The following ANKRD36B variants were observed in gnomAD, a reference collection of about 807,000 sequenced individuals.
ANKRD36B encodes ankyrin repeat domain 36B, also known as ankyrin repeat domain-containing protein 36B.
ANKRD36B carries 37 observed loss-of-function variants against 135.7 expected under a neutral mutation model. That is an observed-to-expected ratio of 0.27 (90% CI 0.21 to 0.36). The LOEUF (loss-of-function observed/expected upper bound fraction) is 0.36, where lower values mean the gene tolerates loss of function less well. ANKRD36B is among the 10% of genes least tolerant of loss of function. The pLI, the probability that ANKRD36B is intolerant of heterozygous loss-of-function variation, is 1.00. For missense variants in ANKRD36B, 549 were observed against 1,037.1 expected, an observed-to-expected ratio of 0.53 and a Z score of 6.46; for synonymous variants, 179 against 348.1, an observed-to-expected ratio of 0.51 and a Z score of 5.41.
rs932051487 is a variant in ANKRD36B, at chr2:97,580,637, G to T, written c.451-69C>A. On this transcript the variant is annotated intron_variant, in intron 3 of 43. Transcript: ENST00000359901. ...TTATCAACTGAAATGAAAACCTTATGTAAGATCCTGTGAGCTTCAATATAT... is the reference window on the plus strand; with the variant it reads ...TTATCAACTGAAATGAAAACCTTATTTAAGATCCTGTGAGCTTCAATATAT... 50 of 1,395,656 alleles carry T rather than the reference G, an allele frequency of 3.6e-5. No homozygotes were observed. In the African/African-American group the frequency reaches 7.2e-4, roughly 20 times the overall value. The allele number at this position is 1,395,656 out of a possible 1,614,324, so 86.5% of individuals were successfully genotyped here.
intron 6 of ANKRD36B, among the ~76,000 whole-genome samples, chr2:97,568,534 A>C (rs1255566248): frequency 3.3e-5 from 5 of 152,150 alleles, no homozygotes; most frequent in African/African-American, 1.2e-4. Context: ...ACCCTATGTA[A>C]GGTACAAACA....
chr2:97,558,657 G>T (rs2080745211), intron 10 of ANKRD36B, 142 bp downstream of exon 10: 6 of 930,548 alleles, frequency 6.4e-6, no homozygotes, highest in Non-Finnish European at 1.0e-5. Context: ...AGCAGCATCA[G>T]TGTCACCTGA....
At position 97,535,389 on chromosome 2, in the gene ANKRD36B, A is replaced by C. The variant is rs200208559; in HGVS notation, c.2191+911T>G. Among the ~76,000 whole-genome samples the C allele has an allele frequency of 8.0e-3, 831 of 104,484 alleles. 64 individuals carry two copies. The East Asian group carries it at 0.11, about 14-fold the overall frequency. The allele number at this position is 104,484 out of a possible 152,430, so 68.5% of individuals were successfully genotyped here. Reference sequence around the variant, plus strand: ...TGGATAACCCATTAACCATGATGTCATTATTACACATTGTATGCCTGTATC... The same window carrying C: ...TGGATAACCCATTAACCATGATGTCCTTATTACACATTGTATGCCTGTATC... On this transcript the variant is annotated intron_variant, in intron 34 of 43. Transcript: ENST00000359901.
At chr2:97,586,633 A>G (rs1011952017) in intron 1 of ANKRD36B, among the ~76,000 whole-genome samples, 35 of 152,306 alleles carry the variant, frequency 2.3e-4, no homozygotes, top group African/African-American at 7.7e-4. Flanking sequence ...TGTGAAAAAA[A>G]CTATAAATTA....
chr2:97,581,119 T>C (rs1035363800), intron 3 of ANKRD36B, among the ~76,000 whole-genome samples: 1 of 139,250 alleles, frequency 7.2e-6, no homozygotes, highest in East Asian at 2.1e-4. Flanking sequence ...AAACTGTGCA[T>C]TATGTGTCTA....
rs2080211994 is a variant in ANKRD36B at position 97,553,117 on chromosome 2, T to G, written c.1273+51A>C. On this transcript the variant is annotated intron_variant, in intron 16 of 43. Coordinates refer to ENST00000359901, the MANE Select transcript of ANKRD36B (RefSeq NM_001393939.1). Reference sequence around the variant, plus strand: ...CGCTGATTTATTAGGGGTAGAGAAGTTCGTTTCTATCTGGATTGAACATGA... The same window carrying G: ...CGCTGATTTATTAGGGGTAGAGAAGGTCGTTTCTATCTGGATTGAACATGA... The G allele has an allele frequency of 1.9e-6, 3 of 1,581,284 alleles. No individual in the cohort carries two copies. In the Admixed American group the frequency reaches 5.2e-5, roughly 27 times the overall value.
At chr2:97,566,427 G>A (rs2081434943) in intron 6 of ANKRD36B, among the ~76,000 whole-genome samples, 1 of 152,012 alleles carries the variant, frequency 6.6e-6, no homozygotes, top group Admixed American at 6.6e-5. Context: ...TTGTTACAAA[G>A]CAGTTCTTTA....
chr2:97,538,006 A>G (rs2078976026), intron 32 of ANKRD36B, among the ~76,000 whole-genome samples, 162 bp downstream of exon 32: 1 of 95,544 alleles, frequency 1.0e-5, no homozygotes, highest in African/African-American at 3.1e-5. Context: ...GCCAAGGACC[A>G]GCAGCATCAA....
At chr2:97,550,487 T>G (rs2079942914) in intron 18 of ANKRD36B, among the ~76,000 whole-genome samples, 1 of 151,892 alleles carries the variant, frequency 6.6e-6, no homozygotes, top group Non-Finnish European at 1.5e-5. Flanking sequence ...TATCATGTTA[T>G]TTTCTAAAGA....
intron 1 of ANKRD36B, among the ~76,000 whole-genome samples, chr2:97,586,572 T>C (rs1284006179): frequency 1.3e-5 from 2 of 152,178 alleles, no homozygotes; most frequent in African/African-American, 4.8e-5. Context: ...CAGGTTATGC[T>C]TGATGAATAA....
At chr2:97,578,828 T>G in intron 5 of ANKRD36B, 78 bp downstream of exon 5, 1 of 1,540,612 alleles carries the variant, frequency 6.5e-7, no homozygotes, top group East Asian at 2.3e-5. Context: ...CAATCTCACC[T>G]GATATATAAG....
intron 6 of ANKRD36B, among the ~76,000 whole-genome samples, chr2:97,563,975 T>A (rs2081244335): frequency 7.4e-6 from 1 of 134,256 alleles, no homozygotes; most frequent in African/African-American, 2.6e-5. Context: ...CCTCACTGGG[T>A]CAACATGGAT....
At chr2:97,575,856 C>T (rs2082197789) in intron 6 of ANKRD36B, among the ~76,000 whole-genome samples, 1 of 151,988 alleles carries the variant, frequency 6.6e-6, no homozygotes, top group Non-Finnish European at 1.5e-5. Flanking sequence ...TTAACTACTG[C>T]AAAATCTTCC....
At chr2:97,557,040 A>G (rs2080592970) in intron 11 of ANKRD36B, 31 bp from the exon 12 acceptor site, 1 of 1,548,432 alleles carries the variant, frequency 6.5e-7, no homozygotes, top group Non-Finnish European at 8.7e-7. Flanking sequence ...AATAGTCAAT[A>G]CATAATATAT....
intron 6 of ANKRD36B, among the ~76,000 whole-genome samples, chr2:97,568,897 G>A (rs1184683257): frequency 6.6e-6 from 1 of 152,180 alleles, no homozygotes; most frequent in Non-Finnish European, 1.5e-5. Flanking sequence ...AGTGAGTCAT[G>A]TTATAATAAT....
rs570174371 is a variant in ANKRD36B at position 97,559,704 on chromosome 2, T to C, written c.866-710A>G. ...TCAATTACCAATGTTAACATACTTC[T>C]ACAAAGTAAAACTGCTACAAGCATT... On this transcript the variant is annotated intron_variant, in intron 8 of 43. Transcript: ENST00000359901. 4.5e-3 allele frequency among the ~76,000 whole-genome samples: 685 copies of C among 152,066 alleles called. 5 individuals are homozygous for C. Among genetic ancestry groups the C allele is most frequent in the African/African-American group, 0.016 (657 of 41,542 alleles).
intron 10 of ANKRD36B, among the ~76,000 whole-genome samples, chr2:97,557,620 G>A (rs1181215748): frequency 6.6e-6 from 1 of 151,764 alleles, no homozygotes; most frequent in African/African-American, 2.4e-5. Context: ...TTAGTAGAAT[G>A]TACACTTCAC....
At chr2:97,551,217 C>G (rs1189133914) in intron 18 of ANKRD36B, 72 bp downstream of exon 18, 39 of 1,518,774 alleles carry the variant, frequency 2.6e-5, no homozygotes, top group Middle Eastern at 2.3e-4. Flanking sequence ...ACCAGCCCCC[C>G]ACTGATTTAT....
At position 97,555,563 on chromosome 2, in the gene ANKRD36B, C is replaced by A. The variant is rs1336638003; in HGVS notation, c.1070-309G>T. Among the ~76,000 whole-genome samples the A allele has an allele frequency of 3.3e-4, 50 of 151,928 alleles. 2 individuals are homozygous for A. In the East Asian group the frequency reaches 7.5e-3, roughly 23 times the overall value. On this transcript the variant is annotated intron_variant, in intron 12 of 43. Transcript: ENST00000359901. ...CAAATGTGATCTAAAATCAGAGGAG[C>A]AACTCATACACCTGAGAATCAATGT... is the stretch of plus-strand genomic sequence containing the variant.
Sources: gnomAD v4.1 joint callset for allele counts (sites outside exome capture counted in the v4.1 genomes callset) on GRCh38, gnomAD v4.1.1 for gene constraint, MANE v1.5 for transcripts, NCBI Gene and HGNC (gene_info 2026-07-23, HGNC 2026-07-21) for gene names.